COL6A3: variants seen among roughly 807,000 people sequenced by gnomAD.
COL6A3 encodes collagen type VI alpha 3 chain, also known as collagen alpha-3(VI) chain.
COL6A3 carries 137 observed loss-of-function variants against 274.1 expected under a neutral mutation model. The ratio of observed to expected loss-of-function variants is 0.50; its 90% CI spans 0.44 to 0.58. The LOEUF (loss-of-function observed/expected upper bound fraction) is 0.58, where lower values mean the gene tolerates loss of function less well. Among genes scored for constraint, COL6A3 ranks in the 20% least tolerant of loss-of-function variants. The pLI is 0.00. For missense variants in COL6A3, 3,950 were observed against 4,124.9 expected (o/e 0.96, Z 1.16); for synonymous variants, 1,650 against 1,650.6 (o/e 1.00, Z 0.01).
rs1380455305 is a variant in COL6A3, at chr2:237,361,887, A to G, written c.6064-56T>C. The G allele has an allele frequency of 2.7e-6, 4 of 1,486,978 alleles. No homozygotes were observed. The highest frequency in any genetic ancestry group is 1.7e-5 in the Admixed American group (1 of 59,824). The allele number at this position is 1,486,978 out of a possible 1,614,324, so 92.1% of individuals were successfully genotyped here. ...GATCTCAAGAAATGCCCAGCAGAAA[A>G]TCATAAATGCGCTTTAAGGGTCAAA... is the stretch of plus-strand genomic sequence containing the variant. On this transcript the variant is annotated intron_variant, in intron 14 of 43. Transcript: ENST00000295550. The surrounding 1 kb of genome is among the most constrained non-coding windows in gnomAD (Gnocchi z 5.1).
Position 237,348,668 on chromosome 2 carries a change from G to A in COL6A3, c.6880-5C>T. 6.2e-7 allele frequency: 1 copy of A among 1,614,068 alleles called. No homozygotes were observed. Among genetic ancestry groups the A allele is most frequent in the Non-Finnish European group, 8.5e-7 (1 of 1,179,976 alleles). Reference sequence around the variant, plus strand: ...TCCGTCTCTCCCGTCATCTCCCTAAGAGTGGGAAAGAGATGTGACTGTAGG... The same window carrying A: ...TCCGTCTCTCCCGTCATCTCCCTAAAAGTGGGAAAGAGATGTGACTGTAGG... On this transcript the variant is annotated splice_region_variant and splice_polypyrimidine_tract_variant and intron_variant, in intron 28 of 43. Coordinates refer to ENST00000295550, the MANE Select transcript of COL6A3 (RefSeq NM_004369.4).
intron 7 of COL6A3, among the ~76,000 whole-genome samples, chr2:237,375,366 C>A (rs2077810099): frequency 6.6e-6 from 1 of 152,164 alleles, no homozygotes; most frequent in Admixed American, 6.5e-5. Context: ...GCAAGGAATG[C>A]AGGCAGCCCC....
Position 237,352,561 on chromosome 2 carries a change from A to C in COL6A3, c.6714T>G (p.Pro2238=). 6.2e-7 allele frequency: 1 copy of C among 1,613,604 alleles called. No homozygotes were observed. The change falls in exon 26 of 44, where the codon CCT becomes CCG. Residue 2238 remains proline (P), a synonymous_variant. Transcript: ENST00000295550. The stretch of plus-strand genomic sequence containing the variant: ...TGCCTTGTTCTCCTATCAGCCCTGG[A>C]GGACCAGCAGGACCAGCTGGGCCCT... ...GAQGPAGPAG[P]PGLIGEQGIS...
intron 8 of COL6A3, among the ~76,000 whole-genome samples, chr2:237,373,952 C>T (rs190428264): frequency 4.7e-4 from 71 of 152,348 alleles, no homozygotes; most frequent in African/African-American, 1.5e-3. Flanking sequence ...CACACCTTGG[C>T]TCTGGAGATA....
rs773708184 is a variant in COL6A3, at chr2:237,324,861, A to G, written c.9494-47T>C. 3.1e-6 allele frequency: 5 copies of G among 1,603,242 alleles called. No individual in the cohort carries two copies. In the East Asian group the frequency reaches 8.9e-5, roughly 29 times the overall value. On this transcript the variant is annotated intron_variant, in intron 43 of 43. Coordinates refer to ENST00000295550, the MANE Select transcript of COL6A3 (RefSeq NM_004369.4). ...GGGTGGGGTGAGGTGAGGAGCCGAGAGAAGAGAGGAAAAGCCACATTACTG... is the reference window on the plus strand; with the variant it reads ...GGGTGGGGTGAGGTGAGGAGCCGAGGGAAGAGAGGAAAAGCCACATTACTG...
chr2:237,379,747 C>A (rs551944755), intron 5 of COL6A3, among the ~76,000 whole-genome samples: 2 of 152,170 alleles, frequency 1.3e-5, no homozygotes, highest in Non-Finnish European at 2.9e-5. Context: ...GTAGGCTGGT[C>A]TCATATTGAA....
intron 24 of COL6A3, 74 bp downstream of exon 24, chr2:237,354,825 G>T: frequency 1.5e-6 from 2 of 1,320,156 alleles, no homozygotes; most frequent in Non-Finnish European, 2.1e-6. Context: ...AGGAGAGAGT[G>T]TTTTTCACTC....
chr2:237,396,639 A>G, intron 2 of COL6A3, 88 bp downstream of exon 2: 1 of 1,310,518 alleles, frequency 7.6e-7, no homozygotes, highest in Non-Finnish European at 1.1e-6. Context: ...GAACATATCT[A>G]AGCTCTATGT....
chr2:237,383,002 C>T (rs956407645), intron 4 of COL6A3, among the ~76,000 whole-genome samples: 1 of 152,056 alleles, frequency 6.6e-6, no homozygotes, highest in African/African-American at 2.4e-5. Flanking sequence ...TTTCACCATG[C>T]TGGTCAGGCT....
In COL6A3 at chr2:237,396,803, C is replaced by T; in HGVS notation, c.15G>A (p.Arg5=). Residue 5 remains arginine (R), a synonymous_variant, in exon 2 of 44, where the codon CGG becomes CGA. Transcript: ENST00000295550. Reference sequence around the variant, plus strand: ...AAAAGACGGCCACTAAGGGCAAGTGCCGATGTTTCCTCATTTTGAATTTGT... The same window carrying T: ...AAAAGACGGCCACTAAGGGCAAGTGTCGATGTTTCCTCATTTTGAATTTGT... MRKH[R]HLPLVAVFCL... 1.9e-6 allele frequency: 3 copies of T among 1,614,110 alleles called. No individual in the cohort carries two copies. Among genetic ancestry groups the T allele is most frequent in the Non-Finnish European group, 1.7e-6 (2 of 1,180,008 alleles).
intron 14 of COL6A3, among the ~76,000 whole-genome samples, chr2:237,362,090 C>T (rs964346484): frequency 1.3e-5 from 2 of 152,196 alleles, no homozygotes; most frequent in Admixed American, 1.3e-4. Context: ...TAAAATAGAT[C>T]TTATCCACAA....
rs2078757617 is a variant in COL6A3, at chr2:237,407,801, T to C, written c.-31+6152A>G. Among the ~76,000 whole-genome samples the C allele has an allele frequency of 6.6e-6, 1 of 152,268 alleles. No homozygotes were observed. The highest frequency in any genetic ancestry group is 2.4e-5 in the African/African-American group (1 of 41,472). On this transcript the variant is annotated intron_variant, in intron 1 of 43. Transcript: ENST00000295550. The surrounding 1 kb of genome is among the most constrained non-coding windows in gnomAD (Gnocchi z 4.3). ...TACGGCAGCCAGACAAGATTTTGTC[T>C]GCACTTATACTGCTAATTATAAACA... is the stretch of plus-strand genomic sequence containing the variant.
Position 237,354,896 on chromosome 2 carries a change from C to T in COL6A3, c.6627+3G>A, listed in dbSNP as rs780942905. Reference sequence around the variant, plus strand: ...TCTCCAGGGGGCACTGCATGAGGCTCACCTTAGCTCCGGGGGGTCCCCTTC... The same window carrying T: ...TCTCCAGGGGGCACTGCATGAGGCTTACCTTAGCTCCGGGGGGTCCCCTTC... On this transcript the variant is annotated splice_donor_region_variant and intron_variant, in intron 24 of 43. Transcript: ENST00000295550. 7.9e-5 allele frequency: 128 copies of T among 1,613,574 alleles called. No homozygotes were observed. Among genetic ancestry groups the T allele is most frequent in the Non-Finnish European group, 9.8e-5 (116 of 1,179,850 alleles).
At chr2:237,394,432 A>G (rs1463922670) in intron 3 of COL6A3, among the ~76,000 whole-genome samples, 155 bp downstream of exon 3, 1 of 152,202 alleles carries the variant, frequency 6.6e-6, no homozygotes, top group Non-Finnish European at 1.5e-5. Flanking sequence ...ACTATGGAAG[A>G]ATATTCCAAA....
chr2:237,325,816 T>C (rs1699912052), intron 42 of COL6A3, 92 bp from the exon 43 acceptor site: 11 of 1,102,500 alleles, frequency 1.0e-5, no homozygotes, highest in Non-Finnish European at 1.4e-5. Flanking sequence ...GACCCTACTG[T>C]GGCAGAAGGA....
Position 237,387,883 on chromosome 2 carries a change from T to A in COL6A3, c.1011A>T (p.Ala337=). 1 of 1,614,110 alleles carries A rather than the reference T, an allele frequency of 6.2e-7. No homozygotes were observed. The highest frequency in any genetic ancestry group is 8.5e-7 in the Non-Finnish European group (1 of 1,179,992). The change falls in exon 4 of 44, where the codon GCA becomes GCT. Residue 337 remains alanine (A), a synonymous_variant. Coordinates refer to ENST00000295550, the MANE Select transcript of COL6A3 (RefSeq NM_004369.4). ...CCCCTTCCTCCACGCGGCTGCCCCC[T>A]GCCCGGGTGAAGTGGTTCTCCACCA... The part of the protein sequence containing the change: ...DFVVENHFTR[A]GGSRVEEGVP...
intron 40 of COL6A3, among the ~76,000 whole-genome samples, chr2:237,335,688 C>T (rs1162985177): frequency 6.6e-6 from 1 of 152,194 alleles, no homozygotes; most frequent in Non-Finnish European, 1.5e-5. Flanking sequence ...TCCCCCAGAC[C>T]TTTTCAAGGC....
Position 237,344,930 on chromosome 2 carries a change from A to G in COL6A3, c.7174+11T>C. The stretch of plus-strand genomic sequence containing the variant: ...CCTTTCCTTAGGAGAAAGTCACCAA[A>G]ATCAACTTACCGTAACAGCAAGCTA... On this transcript the variant is annotated intron_variant, in intron 35 of 43. Coordinates refer to ENST00000295550, the MANE Select transcript of COL6A3 (RefSeq NM_004369.4). The surrounding 1 kb of genome is among the most constrained non-coding windows in gnomAD (Gnocchi z 4.8). The G allele has an allele frequency of 6.2e-7, 1 of 1,614,132 alleles. No homozygotes were observed. Among genetic ancestry groups the G allele is most frequent in the Non-Finnish European group, 8.5e-7 (1 of 1,180,040 alleles).
chr2:237,336,044 T>C (rs1185849761), intron 40 of COL6A3, 91 bp downstream of exon 40: 1 of 1,493,702 alleles, frequency 6.7e-7, no homozygotes, highest in African/African-American at 1.4e-5. Context: ...GACTGTATTC[T>C]GAGTGTGTTA....
Sources: allele counts gnomAD v4.1 joint callset (sites outside exome capture counted in the v4.1 genomes callset), GRCh38; gene constraint gnomAD v4.1.1; non-coding constraint Gnocchi (gnomAD v3.1); transcripts MANE v1.5; gene names NCBI Gene and HGNC (gene_info 2026-07-23, HGNC 2026-07-21).